Variants in BMPR1B observed in about 807,000 individuals in gnomAD.
The protein encoded by BMPR1B is bone morphogenetic protein receptor type-1B.
Under a neutral mutation model 59.1 loss-of-function variants are expected in BMPR1B, and 12 were observed. The observed-to-expected ratio is 0.20, with a 90% confidence interval of 0.13 to 0.33. BMPR1B has a LOEUF of 0.33. Ranked by LOEUF, BMPR1B falls within the 10% of genes least tolerant of loss-of-function variation. BMPR1B has a pLI of 1.00. For missense variants in BMPR1B, 550 were observed against 610.9 expected (o/e 0.90, Z 1.05); for synonymous variants, 237 against 207.3 (o/e 1.14, Z -1.23).
chr4:95,000,991 A>G (rs17022815), intron 3 of BMPR1B, among the ~76,000 whole-genome samples: 4,276 of 152,264 alleles, frequency 0.028, 184 homozygotes, highest in African/African-American at 0.098. Flanking sequence ...CATTTTATCA[A>G]TGGGCAGTTG....
chr4:94,943,953 A>G (rs1246620228), intron 2 of BMPR1B, among the ~76,000 whole-genome samples: 4 of 152,208 alleles, frequency 2.6e-5, no homozygotes, highest in African/African-American at 9.6e-5. Context: ...CCTAAATCCA[A>G]AATGCTCCAA....
At chr4:95,030,451 G>A (rs1339222252) in intron 3 of BMPR1B, among the ~76,000 whole-genome samples, 5 of 152,146 alleles carry the variant, frequency 3.3e-5, no homozygotes, top group Middle Eastern at 3.4e-3. Context: ...ATTTCTGAGG[G>A]CTCTGTTCTG....
intron 3 of BMPR1B, among the ~76,000 whole-genome samples, chr4:95,075,022 CTTG>C (rs1326109975): frequency 6.6e-6 from 1 of 152,056 alleles, no homozygotes; most frequent in East Asian, 1.9e-4. Context: ...AATTTGTAGT[CTTG>C]TTGATAAATG....
chr4:94,810,902 C>T (rs893265164), intron 1 of BMPR1B, among the ~76,000 whole-genome samples: 5 of 151,952 alleles, frequency 3.3e-5, no homozygotes, highest in Non-Finnish European at 5.9e-5. Context: ...GTCATGTGTG[C>T]GTGTGTGCAT....
At chr4:94,999,450 G>A (rs1722288669) in intron 3 of BMPR1B, among the ~76,000 whole-genome samples, 1 of 151,602 alleles carries the variant, frequency 6.6e-6, no homozygotes, top group African/African-American at 2.4e-5. Context: ...GTGTGTGTGT[G>A]TAACCATGAA....
At chr4:95,135,506 C>A (rs1733706883) in intron 10 of BMPR1B, among the ~76,000 whole-genome samples, 1 of 152,124 alleles carries the variant, frequency 6.6e-6, no homozygotes, top group Non-Finnish European at 1.5e-5. Context: ...ATGGAAAGTT[C>A]TTCTATTAGT....
At chr4:94,852,927 A>T (rs1725619795) in intron 1 of BMPR1B, among the ~76,000 whole-genome samples, 1 of 152,146 alleles carries the variant, frequency 6.6e-6, no homozygotes, top group South Asian at 2.1e-4. Flanking sequence ...AAATTCTGGG[A>T]TTTAGACAAA....
At position 94,782,328 on chromosome 4, in the gene BMPR1B, A is replaced by AT. The variant is rs60231217; in HGVS notation, c.-183+24273dup. Among the ~76,000 whole-genome samples, 119 of 144,696 alleles carry AT rather than the reference A, an allele frequency of 8.2e-4. 3 individuals carry two copies. The South Asian group carries it at 0.022, about 27-fold the overall frequency. The allele number at this position is 144,696 out of a possible 152,430, so 94.9% of individuals were successfully genotyped here. A position where few individuals can be genotyped will look rare whatever the true frequency, so the allele number is the denominator to read the frequency against. On this transcript the variant is annotated intron_variant, in intron 1 of 12. Transcript: ENST00000515059. ...TTATACTTTTAATTTTTTAATGTTA[A>AT]TTTTTTTTTTTTTGTCACCCAGGCT...
chr4:95,140,726 C>A (rs777714696), intron 10 of BMPR1B, among the ~76,000 whole-genome samples: 8 of 152,080 alleles, frequency 5.3e-5, no homozygotes, highest in Non-Finnish European at 7.4e-5. Context: ...ATATATTTCC[C>A]ATTTAACATG....
At chr4:95,111,405 A>G (rs1300538577) in intron 4 of BMPR1B, among the ~76,000 whole-genome samples, 2 of 152,094 alleles carry the variant, frequency 1.3e-5, no homozygotes, top group Non-Finnish European at 2.9e-5. Flanking sequence ...TAAAGGGACC[A>G]AAGTTTGGGT....
intron 4 of BMPR1B, among the ~76,000 whole-genome samples, chr4:95,113,221 G>A (rs1399559765): frequency 6.6e-6 from 1 of 152,088 alleles, no homozygotes; most frequent in Non-Finnish European, 1.5e-5. Flanking sequence ...TCAAGGCATG[G>A]GCTGTTCAGA....
chr4:95,022,001 AC>A (rs1724021963), intron 3 of BMPR1B, among the ~76,000 whole-genome samples: 1 of 152,240 alleles, frequency 6.6e-6, no homozygotes, highest in South Asian at 2.1e-4. Flanking sequence ...TGTTTAAAAA[AC>A]AATACCATTT....
In BMPR1B at chr4:94,903,345, C is replaced by T. The variant is rs529288613; in HGVS notation, c.-113+27445C>T. Among the ~76,000 whole-genome samples the T allele has an allele frequency of 3.3e-5, 5 of 151,864 alleles. No homozygotes were observed. The South Asian group carries it at 1.0e-3, about 31-fold the overall frequency. Reference sequence around the variant, plus strand: ...GACAGAAAAGAATGAACTTATTATACTCCTGTCTCTATAGTGTCTATAGTT... The same window carrying T: ...GACAGAAAAGAATGAACTTATTATATTCCTGTCTCTATAGTGTCTATAGTT... On this transcript the variant is annotated intron_variant, in intron 2 of 12. Coordinates refer to ENST00000515059, the MANE Select transcript of BMPR1B (RefSeq NM_001203.3).
intron 3 of BMPR1B, among the ~76,000 whole-genome samples, chr4:95,001,356 T>TA (rs754230360): frequency 0.96 from 145,442 of 152,154 alleles, 69,544 homozygotes; most frequent in Middle Eastern, 0.99. Context: ...CTGGAAGAAT[T>TA]AAGATGGTAT....
chr4:94,989,404 CAAAA>C (rs201252872), intron 2 of BMPR1B, among the ~76,000 whole-genome samples: 3 of 132,320 alleles, frequency 2.3e-5, no homozygotes, highest in Non-Finnish European at 4.9e-5. Context: ...AAAAAAAAAA[CAAAA>C]AAAATCATTC....
chr4:94,946,405 T>G (rs952705098), intron 2 of BMPR1B, among the ~76,000 whole-genome samples: 2 of 152,162 alleles, frequency 1.3e-5, no homozygotes, highest in Non-Finnish European at 2.9e-5. Context: ...GTTTTACCAG[T>G]TTTTATATAT....
chr4:94,994,450 T>TC (rs1365944330), intron 2 of BMPR1B, among the ~76,000 whole-genome samples: 1 of 152,246 alleles, frequency 6.6e-6, no homozygotes, highest in Non-Finnish European at 1.5e-5. Flanking sequence ...ATGCTCATTT[T>TC]CCCTTCTCCC....
Position 95,016,616 on chromosome 4 carries a change from G to A in BMPR1B, c.-18+20482G>A, listed in dbSNP as rs376477559. Among the ~76,000 whole-genome samples, 34 of 152,268 alleles carry A rather than the reference G, an allele frequency of 2.2e-4. No homozygotes were observed. In the South Asian group the frequency reaches 6.6e-3, roughly 30 times the overall value. On this transcript the variant is annotated intron_variant, in intron 3 of 12. Coordinates refer to ENST00000515059, the MANE Select transcript of BMPR1B (RefSeq NM_001203.3). ...TATAGATTGTAGAGATAAGAGAAAA[G>A]AATGGCAAGAGAAGGAGAAAGATGG... is the stretch of plus-strand genomic sequence containing the variant.
chr4:94,914,235 A>G (rs1395550991), intron 2 of BMPR1B, among the ~76,000 whole-genome samples: 2 of 152,150 alleles, frequency 1.3e-5, no homozygotes, highest in African/African-American at 4.8e-5. Flanking sequence ...GATGCCTTCT[A>G]GATTTCTTGC....
Sources: gnomAD v4.1 joint callset for allele counts (sites outside exome capture counted in the v4.1 genomes callset) on GRCh38, gnomAD v4.1.1 for gene constraint, MANE v1.5 for transcripts, NCBI Gene and HGNC (gene_info 2026-07-23, HGNC 2026-07-21) for gene names.